Variants in ITPR3 observed in about 807,000 individuals in gnomAD.
ITPR3 encodes the protein inositol 1,4,5-trisphosphate-gated calcium channel ITPR3.
In ITPR3, 173 loss-of-function variants were observed where a neutral mutation model predicts 293.2. The ratio of observed to expected loss-of-function variants is 0.59; its 90% CI spans 0.52 to 0.67. The LOEUF is 0.67. ITPR3 is among the 30% of genes least tolerant of loss of function. The pLI, the probability that ITPR3 is intolerant of heterozygous loss-of-function variation, is 0.00. For synonymous variants in ITPR3, 1,295 were observed against 1,444.4 expected (o/e 0.90, Z 2.35); for missense variants, 2,796 against 3,592.1 (o/e 0.78, Z 5.66).
intron 1 of ITPR3, among the ~76,000 whole-genome samples, chr6:33,634,225 C>T (rs568284233): frequency 2.6e-5 from 4 of 152,224 alleles, no homozygotes; most frequent in African/African-American, 9.6e-5. Flanking sequence ...CTGCCCAGGG[C>T]CACCTTCTTT....
rs979686828 is a variant in ITPR3 at position 33,685,790 on chromosome 6, T to C, written c.5630T>C (p.Leu1877Pro). 6.9e-6 allele frequency: 11 copies of C among 1,586,422 alleles called. No homozygotes were observed. Among genetic ancestry groups the C allele is most frequent in the Non-Finnish European group, 8.6e-6 (10 of 1,163,362 alleles). ...ATCATGCAGCCCATCCTGCGCTTTC[T>C]GCAGCTGCTGTGTGAGAACCACAAC... ...VLIMQPILRF[L>P]QLLCENHNRD... The change falls in exon 41 of 58, where the codon CTG (leucine) becomes CCG (proline). Residue 1877 changes from leucine (L) to proline (P), a missense_variant. Coordinates refer to ENST00000605930, the MANE Select transcript of ITPR3 (RefSeq NM_002224.4).
rs1347868093 is a variant in ITPR3 at position 33,684,172 on chromosome 6, A to G, written c.4937+4A>G. 2 of 1,609,708 alleles carry G rather than the reference A, an allele frequency of 1.2e-6. No individual in the cohort carries two copies. The highest frequency in any genetic ancestry group is 1.7e-6 in the Non-Finnish European group (2 of 1,179,588). On this transcript the variant is annotated splice_donor_region_variant and intron_variant, in intron 36 of 57. Coordinates refer to ENST00000605930, the MANE Select transcript of ITPR3 (RefSeq NM_002224.4). The surrounding 1 kb of genome is among the most constrained non-coding windows in gnomAD (Gnocchi z 4.2). ...AGAGTGGGGGCTTCCTGTCCAAGTG[A>G]GCGAGACACTGGGGCATGGGGGCAG...
At chr6:33,678,570 G>A in intron 29 of ITPR3, 27 bp downstream of exon 29, 1 of 1,569,830 alleles carries the variant, frequency 6.4e-7, no homozygotes, top group African/African-American at 1.3e-5. Flanking sequence ...GGGAGCACCT[G>A]GACGAGGCGG....
chr6:33,652,756 G>T (rs761761192), intron 2 of ITPR3, among the ~76,000 whole-genome samples: 7 of 152,284 alleles, frequency 4.6e-5, no homozygotes, highest in Non-Finnish European at 7.3e-5. Context: ...GAGCCACCGT[G>T]CCTGGCCTAT....
chr6:33,681,354 C>T (rs149253961), intron 33 of ITPR3, among the ~76,000 whole-genome samples: 108 of 152,326 alleles, frequency 7.1e-4, no homozygotes, highest in African/African-American at 1.1e-3. Context: ...GGGATCACGA[C>T]AGTCTCCCTG....
At position 33,684,198 on chromosome 6, in the gene ITPR3, C is replaced by G. The variant is rs35095444; in HGVS notation, c.4937+30C>G. 0.16 allele frequency: 254,090 copies of G among 1,605,560 alleles called. 22,330 individuals are homozygous for G. Among genetic ancestry groups the G allele is most frequent in the Middle Eastern group, 0.19 (839 of 4,494 alleles). On this transcript the variant is annotated intron_variant, in intron 36 of 57. Coordinates refer to ENST00000605930, the MANE Select transcript of ITPR3 (RefSeq NM_002224.4). This position sits in a 1 kb window ranked among gnomAD's most constrained non-coding sequence, Gnocchi z 4.2. Reference sequence around the variant, plus strand: ...GCGAGACACTGGGGCATGGGGGCAGCAGGGGTGCAGCGGCAGGGGACAGAG... The same window carrying G: ...GCGAGACACTGGGGCATGGGGGCAGGAGGGGTGCAGCGGCAGGGGACAGAG...
chr6:33,653,366 C>T (rs986056575), intron 2 of ITPR3, among the ~76,000 whole-genome samples: 23 of 150,962 alleles, frequency 1.5e-4, no homozygotes, highest in East Asian at 7.7e-4. Flanking sequence ...CCTCCTGCCT[C>T]GGCTTCCCAT....
intron 10 of ITPR3, 32 bp downstream of exon 10, chr6:33,663,582 A>T: frequency 7.5e-6 from 12 of 1,601,666 alleles, no homozygotes; most frequent in Non-Finnish European, 1.0e-5. Flanking sequence ...CAGTGAGACC[A>T]TGGGCCTGCC....
At position 33,632,243 on chromosome 6, in the gene ITPR3, G is replaced by T. The variant is rs1763700467; in HGVS notation, c.90-8241G>T. On this transcript the variant is annotated intron_variant, in intron 1 of 57. Coordinates refer to ENST00000605930, the MANE Select transcript of ITPR3 (RefSeq NM_002224.4). The surrounding 1 kb of genome is among the most constrained non-coding windows in gnomAD (Gnocchi z 4.1). The stretch of plus-strand genomic sequence containing the variant: ...ATCCACAGCTGAATGGGGGTGGGGG[G>T]AGGGTTGTTCAGGGTCCCTCGGGGA... 7.4e-6 allele frequency among the ~76,000 whole-genome samples: 1 copy of T among 134,878 alleles called. No individual in the cohort carries two copies. Among genetic ancestry groups the T allele is most frequent in the South Asian group, 2.7e-4 (1 of 3,646 alleles). The allele number at this position is 134,878 out of a possible 152,430, so 88.5% of individuals were successfully genotyped here.
At chr6:33,629,010 G>A (rs895409497) in intron 1 of ITPR3, among the ~76,000 whole-genome samples, 5 of 152,162 alleles carry the variant, frequency 3.3e-5, no homozygotes, top group Admixed American at 6.5e-5. Context: ...TGATGATGAT[G>A]GCAGTGGGTA....
chr6:33,676,908 A>T lies in ITPR3; in HGVS notation c.3423A>T (p.Ala1141=), dbSNP rs775443131. 11 of 1,614,044 alleles carry T rather than the reference A, an allele frequency of 6.8e-6. No individual in the cohort carries two copies. In the South Asian group the frequency reaches 1.2e-4, roughly 18 times the overall value. Reference sequence around the variant, plus strand: ...GTGGCAAGGGTGAGGAGGTGGAGGCAGGCGCCGCCAAGGACAAGAAAGAGG... The same window carrying T: ...GTGGCAAGGGTGAGGAGGTGGAGGCTGGCGCCGCCAAGGACAAGAAAGAGG... ...KGSGKGEEVE[A]GAAKDKKERP... Residue 1141 remains alanine, a synonymous_variant, in exon 26 of 58, where the codon GCA becomes GCT. Transcript: ENST00000605930.
chr6:33,683,462 T>C lies in ITPR3; in HGVS notation c.4788+65T>C. The C allele has an allele frequency of 7.8e-7, 1 of 1,285,564 alleles. No individual in the cohort carries two copies. Among genetic ancestry groups the C allele is most frequent in the Admixed American group, 2.9e-5 (1 of 34,618 alleles). 79.6% of individuals were successfully genotyped at this position (1,285,564 alleles called of 1,614,324 possible). ...TTGGTTGAGTCAGCAGCTCCCCTACTTTGGAGGGGCAAGTTCTCGGGGAGT... is the reference window on the plus strand; with the variant it reads ...TTGGTTGAGTCAGCAGCTCCCCTACCTTGGAGGGGCAAGTTCTCGGGGAGT... On this transcript the variant is annotated intron_variant, in intron 35 of 57. Coordinates refer to ENST00000605930, the MANE Select transcript of ITPR3 (RefSeq NM_002224.4). The surrounding 1 kb of genome is among the most constrained non-coding windows in gnomAD (Gnocchi z 4.5).
At chr6:33,634,936 C>T (rs545131329) in intron 1 of ITPR3, among the ~76,000 whole-genome samples, 1 of 152,204 alleles carries the variant, frequency 6.6e-6, no homozygotes, top group African/African-American at 2.4e-5. Context: ...CTCTTTCCCC[C>T]GCTACAAGGC....
At chr6:33,694,681 C>G in intron 56 of ITPR3, 1 of 531,374 alleles carries the variant, frequency 1.9e-6, no homozygotes. Context: ...TCAAACTCAG[C>G]TGCCGACGCT....
chr6:33,685,756 TC>T lies in ITPR3; in HGVS notation c.5598del (p.Val1867CysfsTer94), dbSNP rs1765213243. ...TGTGCAGAGCAGTGAGATGGGCACA[TC>T]CGTGCTCATCATGCAGCCCATCCTG... ...ERVQSSEMGT[S>X]VLIMQPILRF... On this transcript the variant is annotated frameshift_variant, in exon 41 of 58. Transcript: ENST00000605930. LOFTEE classifies it high-confidence loss of function. 2.5e-6 allele frequency: 4 copies of T among 1,604,826 alleles called. No individual in the cohort carries two copies. The highest frequency in any genetic ancestry group is 1.7e-5 in the Admixed American group (1 of 59,482).
chr6:33,695,883 CA>C lies in ITPR3; in HGVS notation c.*104del. The C allele has an allele frequency of 9.1e-7, 1 of 1,104,172 alleles. No individual in the cohort carries two copies. The allele number at this position is 1,104,172 out of a possible 1,614,324, so 68.4% of individuals were successfully genotyped here. On this transcript the variant is annotated 3_prime_UTR_variant, in exon 58 of 58. Coordinates refer to ENST00000605930, the MANE Select transcript of ITPR3 (RefSeq NM_002224.4). ...GGGTTGGGTGGCCCAGCCAGCTGGC[CA>C]GCCTCCACTCCCACTCTGCCAGACA... is the stretch of plus-strand genomic sequence containing the variant.
At chr6:33,656,581 G>A (rs1340259608) in intron 3 of ITPR3, among the ~76,000 whole-genome samples, 1 of 152,168 alleles carries the variant, frequency 6.6e-6, no homozygotes, top group East Asian at 1.9e-4. Context: ...ACTCACCCTG[G>A]CTTCCTCAGA....
Position 33,684,717 on chromosome 6 carries a change from C to A in ITPR3, c.5137+29C>A. On this transcript the variant is annotated intron_variant, in intron 38 of 57. Transcript: ENST00000605930. The surrounding 1 kb of genome is among the most constrained non-coding windows in gnomAD (Gnocchi z 4.2). ...AGTATCACCTTCCCCTGCCCCCGGGCCCTCCCTTCCACTCTCCTGTCACAC... is the reference window on the plus strand; with the variant it reads ...AGTATCACCTTCCCCTGCCCCCGGGACCTCCCTTCCACTCTCCTGTCACAC... The A allele has an allele frequency of 6.2e-7, 1 of 1,611,892 alleles. No homozygotes were observed. Among genetic ancestry groups the A allele is most frequent in the Non-Finnish European group, 8.5e-7 (1 of 1,178,674 alleles).
chr6:33,633,660 G>C lies in ITPR3; in HGVS notation c.90-6824G>C, dbSNP rs1469346087. Among the ~76,000 whole-genome samples, 1 of 150,396 alleles carries C rather than the reference G, an allele frequency of 6.6e-6. No homozygotes were observed. Among genetic ancestry groups the C allele is most frequent in the African/African-American group, 2.4e-5 (1 of 41,204 alleles). Reference sequence around the variant, plus strand: ...AGCGGCCGGCAGTCGGAGGCAGGCCGGGGCGAGGCCGCGCTGGCCCTCCCT... The same window carrying C: ...AGCGGCCGGCAGTCGGAGGCAGGCCCGGGCGAGGCCGCGCTGGCCCTCCCT... On this transcript the variant is annotated intron_variant, in intron 1 of 57. Transcript: ENST00000605930. The surrounding 1 kb of genome is among the most constrained non-coding windows in gnomAD (Gnocchi z 5.2).
Sources: gnomAD v4.1 joint callset for allele counts (sites outside exome capture counted in the v4.1 genomes callset) on GRCh38, gnomAD v4.1.1 for gene constraint, Gnocchi (gnomAD v3.1) non-coding constraint, MANE v1.5 for transcripts, NCBI Gene and HGNC (gene_info 2026-07-23, HGNC 2026-07-21) for gene names.